The following GRIK2 variants were observed in gnomAD, a reference collection of about 807,000 sequenced individuals.
GRIK2 encodes glutamate receptor ionotropic, kainate 2.
GRIK2 carries 32 observed loss-of-function variants against 100.3 expected under a neutral mutation model. That is an observed-to-expected ratio of 0.32 (90% CI 0.24 to 0.43). The LOEUF is 0.43. GRIK2 is among the 20% of genes least tolerant of loss of function. GRIK2 has a pLI of 1.00. For synonymous variants in GRIK2, 417 were observed against 389.4 expected, an observed-to-expected ratio of 1.07 and a Z score of -0.83; for missense variants, 843 against 1,114.9, an observed-to-expected ratio of 0.76 and a Z score of 3.47.
chr6:101,490,403 C>A (rs1252222560), intron 2 of GRIK2, among the ~76,000 whole-genome samples: 1 of 146,558 alleles, frequency 6.8e-6, no homozygotes, highest in African/African-American at 2.6e-5. Context: ...AGTTTGCCTA[C>A]CCTGTGCTCT....
At chr6:101,496,903 C>T (rs552441020) in intron 2 of GRIK2, among the ~76,000 whole-genome samples, 2 of 152,036 alleles carry the variant, frequency 1.3e-5, no homozygotes, top group Non-Finnish European at 2.9e-5. Context: ...TGAGAAATAA[C>T]GTTGTTGCTT....
At chr6:101,786,984 C>T (rs550957013) in intron 7 of GRIK2, among the ~76,000 whole-genome samples, 4 of 152,012 alleles carry the variant, frequency 2.6e-5, no homozygotes, top group Non-Finnish European at 5.9e-5. Context: ...ATTATTGATT[C>T]AATTTTGTTA....
chr6:101,494,971 T>TATATATATA (rs1773349547), intron 2 of GRIK2, among the ~76,000 whole-genome samples: 6 of 107,982 alleles, frequency 5.6e-5, no homozygotes, highest in Admixed American at 1.9e-4. Flanking sequence ...ATATATGCAT[T>TATATATATA]TATATATATA....
chr6:101,554,674 C>G (rs1159442927), intron 2 of GRIK2, among the ~76,000 whole-genome samples: 2 of 152,048 alleles, frequency 1.3e-5, no homozygotes, highest in Non-Finnish European at 2.9e-5. Flanking sequence ...TGACACTATT[C>G]TCCACTAGAT....
intron 10 of GRIK2, among the ~76,000 whole-genome samples, chr6:101,829,210 C>T (rs1782523275): frequency 6.6e-6 from 1 of 151,942 alleles, no homozygotes; most frequent in Non-Finnish European, 1.5e-5. Context: ...AATACAACAT[C>T]ATTTCATAAT....
At chr6:101,967,323 G>A (rs971249758) in intron 14 of GRIK2, among the ~76,000 whole-genome samples, 29 of 151,722 alleles carry the variant, frequency 1.9e-4, no homozygotes, top group South Asian at 2.1e-4. Flanking sequence ...AACCAGTTGC[G>A]ATTTGATATT....
At chr6:102,001,072 G>T (rs1180226405) in intron 14 of GRIK2, among the ~76,000 whole-genome samples, 1 of 151,810 alleles carries the variant, frequency 6.6e-6, no homozygotes, top group Non-Finnish European at 1.5e-5. Context: ...CTTCTAAATA[G>T]TGAGTGAGTG....
At chr6:101,600,589 TG>T (rs1374120492) in intron 2 of GRIK2, among the ~76,000 whole-genome samples, 1 of 151,934 alleles carries the variant, frequency 6.6e-6, no homozygotes, top group Non-Finnish European at 1.5e-5. Flanking sequence ...CACAGTGTTT[TG>T]TAGTTCTTCT....
At chr6:102,055,777 A>AT (rs1771434659) in intron 16 of GRIK2, among the ~76,000 whole-genome samples, 197 bp downstream of exon 16, 1 of 152,044 alleles carries the variant, frequency 6.6e-6, no homozygotes, top group Non-Finnish European at 1.5e-5. Context: ...CACCTTTATG[A>AT]TTTTTTATTT....
chr6:101,961,053 G>A (rs184164210), intron 14 of GRIK2, among the ~76,000 whole-genome samples: 1 of 152,110 alleles, frequency 6.6e-6, no homozygotes, highest in Non-Finnish European at 1.5e-5. Context: ...ACAGGGAGAG[G>A]TTATAGTGAA....
intron 2 of GRIK2, among the ~76,000 whole-genome samples, chr6:101,504,647 T>A (rs1429562074): frequency 6.6e-6 from 1 of 151,966 alleles, no homozygotes; most frequent in African/African-American, 2.4e-5. Context: ...CTGGATTTAG[T>A]AATGGAACCT....
At chr6:101,792,604 A>T (rs376377987) in intron 7 of GRIK2, among the ~76,000 whole-genome samples, 1 of 151,982 alleles carries the variant, frequency 6.6e-6, no homozygotes, top group South Asian at 2.1e-4. Context: ...CTTCCCTTTG[A>T]GGGTAACCCG....
At chr6:101,492,308 G>A (rs1041303142) in intron 2 of GRIK2, among the ~76,000 whole-genome samples, 1 of 151,480 alleles carries the variant, frequency 6.6e-6, no homozygotes, top group Non-Finnish European at 1.5e-5. Context: ...TCATCAATTG[G>A]GAATAAACCA....
intron 2 of GRIK2, among the ~76,000 whole-genome samples, chr6:101,512,930 C>T (rs1242873017): frequency 6.6e-6 from 1 of 152,128 alleles, no homozygotes; most frequent in Admixed American, 6.5e-5. Flanking sequence ...TGTAGTACTA[C>T]TACTATTTTC....
chr6:101,449,268 TAA>T (rs1253969279), intron 2 of GRIK2, among the ~76,000 whole-genome samples: 4 of 151,714 alleles, frequency 2.6e-5, no homozygotes, highest in African/African-American at 9.7e-5. Context: ...TGTAAGAATA[TAA>T]AGTGATTTTT....
chr6:101,830,062 T>C lies in GRIK2; in HGVS notation c.1317+11579T>C, dbSNP rs532002565. On this transcript the variant is annotated intron_variant, in intron 10 of 16. Transcript: ENST00000369134. The stretch of plus-strand genomic sequence containing the variant: ...CTACAGTAACCAAAACAGCATGGGA[T>C]TGGTATAAATATAGACACATAAACC... Among the ~76,000 whole-genome samples the C allele has an allele frequency of 5.3e-5, 8 of 151,932 alleles. No homozygotes were observed. The South Asian group carries it at 1.5e-3, about 28-fold the overall frequency.
At position 101,859,342 on chromosome 6, in the gene GRIK2, G is replaced by A. The variant is rs760579947; in HGVS notation, c.1373G>A (p.Arg458Gln). 6.2e-6 allele frequency: 10 copies of A among 1,605,186 alleles called. No homozygotes were observed. Among genetic ancestry groups the A allele is most frequent in the African/African-American group, 1.3e-5 (1 of 74,662 alleles). Reference sequence around the variant, plus strand: ...GACAAACCTCTCTATGGTAATGATCGATTTGAAGGCTATTGCATTGATCTC... The same window carrying A: ...GACAAACCTCTCTATGGTAATGATCAATTTGAAGGCTATTGCATTGATCTC... Reference protein sequence around the residue: ...KSDKPLYGNDRFEGYCIDLLR... With the variant: ...KSDKPLYGNDQFEGYCIDLLR... The change falls in exon 11 of 17, where the codon CGA becomes CAA. Residue 458 changes from arginine (R) to glutamine (Q), a missense_variant. By Grantham distance (43) the Arg-to-Gln change is conservative (BLOSUM62 1). This residue lies in a region of GRIK2 where 519 missense variants were observed against 643.8 expected (regional missense o/e 0.81). Coordinates refer to ENST00000369134, the MANE Select transcript of GRIK2 (RefSeq NM_021956.5).
At chr6:101,636,761 C>G (rs1002996468) in intron 4 of GRIK2, among the ~76,000 whole-genome samples, 12 of 149,820 alleles carry the variant, frequency 8.0e-5, no homozygotes, top group African/African-American at 2.7e-4. Context: ...TTTGGGGGGG[C>G]GGGGAAATGT....
chr6:101,968,394 A>G (rs1484059593), intron 14 of GRIK2, among the ~76,000 whole-genome samples: 1 of 152,030 alleles, frequency 6.6e-6, no homozygotes, highest in Non-Finnish European at 1.5e-5. Flanking sequence ...ACAAATTTGC[A>G]TTGCTATTAA....
Sources: allele counts gnomAD v4.1 joint callset (sites outside exome capture counted in the v4.1 genomes callset), GRCh38; gene constraint gnomAD v4.1.1; regional missense constraint gnomAD v4.1.1; transcripts MANE v1.5; gene names NCBI Gene and HGNC (gene_info 2026-07-23, HGNC 2026-07-21).